ITGA9: variants seen among roughly 807,000 people sequenced by gnomAD.
ITGA9 encodes the protein integrin alpha-9.
A neutral mutation model predicts 127.8 loss-of-function variants in ITGA9; 56 were observed. That is an observed-to-expected ratio of 0.44 (90% CI 0.35 to 0.55). The LOEUF is 0.55. Ranked by LOEUF, ITGA9 falls within the 20% of genes least tolerant of loss-of-function variation. The pLI is 0.00. For missense variants in ITGA9, 1,196 were observed against 1,347.1 expected (o/e 0.89, Z 1.76); for synonymous variants, 508 against 514.5 (o/e 0.99, Z 0.17).
chr3:37,546,674 G>C (rs908814135), intron 15 of ITGA9, among the ~76,000 whole-genome samples: 29 of 152,348 alleles, frequency 1.9e-4, no homozygotes, highest in African/African-American at 7.0e-4. Context: ...GCAGAACCTT[G>C]TTGGAGTGAC....
In ITGA9 at chr3:37,512,061, TTTCTTTCTTTCTTTCC is replaced by T. The variant is rs1426137624; in HGVS notation, c.898-1698_898-1683del. On this transcript the variant is annotated intron_variant, in intron 8 of 27. Transcript: ENST00000264741. ...CTTTCTTTCTTTCTTTCTTTCTTTCTTTCTTTCTTTCTTTCCTTCCTTCCTTCCTTCCTTCCTTCCT... is the reference window on the plus strand; with the variant it reads ...CTTTCTTTCTTTCTTTCTTTCTTTCTTTCCTTCCTTCCTTCCTTCCTTCCT... Among the ~76,000 whole-genome samples the T allele has an allele frequency of 1.5e-3, 107 of 73,048 alleles. 6 individuals are homozygous for T. Among genetic ancestry groups the T allele is most frequent in the Admixed American group, 3.3e-3 (16 of 4,858 alleles). 47.9% of individuals were successfully genotyped at this position (73,048 alleles called of 152,430 possible).
intron 8 of ITGA9, among the ~76,000 whole-genome samples, chr3:37,511,745 A>G (rs937531125): frequency 3.3e-5 from 5 of 152,150 alleles, no homozygotes; most frequent in Non-Finnish European, 5.9e-5. Context: ...TGGCCTTGGC[A>G]TATCACTGGG....
At chr3:37,480,366 CT>C (rs1418452807) in intron 3 of ITGA9, among the ~76,000 whole-genome samples, 1 of 152,224 alleles carries the variant, frequency 6.6e-6, no homozygotes, top group Non-Finnish European at 1.5e-5. Context: ...CTCTGGAGAG[CT>C]GGCCAATGCA....
At chr3:37,683,817 A>G (rs753185354) in intron 17 of ITGA9, 48 bp from the exon 18 acceptor site, 16 of 1,596,370 alleles carry the variant, frequency 1.0e-5, no homozygotes, top group South Asian at 2.2e-5. Flanking sequence ...CTCATGTTAT[A>G]TTAGTGTAGG....
rs74477480 is a variant in ITGA9 at position 37,565,854 on chromosome 3, G to T, written c.1689+23269G>T. ...CCAGTGTGGAACCCTTGCTGACTGG[G>T]TTGGGAGTGACGTTGGGAACTGTTT... is the stretch of plus-strand genomic sequence containing the variant. On this transcript the variant is annotated intron_variant, in intron 15 of 27. Coordinates refer to ENST00000264741, the MANE Select transcript of ITGA9 (RefSeq NM_002207.3). 3.9e-3 allele frequency among the ~76,000 whole-genome samples: 595 copies of T among 152,340 alleles called. 3 individuals are homozygous for T. The highest frequency in any genetic ancestry group is 7.1e-3 in the Non-Finnish European group (486 of 68,028).
intron 1 of ITGA9, among the ~76,000 whole-genome samples, chr3:37,469,504 T>A (rs1489865937): frequency 1.3e-5 from 2 of 152,192 alleles, no homozygotes; most frequent in African/African-American, 4.8e-5. Flanking sequence ...TATACAGTTA[T>A]CACAAATTTG....
intron 15 of ITGA9, among the ~76,000 whole-genome samples, chr3:37,613,069 C>A (rs915136346): frequency 6.6e-6 from 1 of 151,700 alleles, no homozygotes; most frequent in Non-Finnish European, 1.5e-5. Context: ...CCCATTAACT[C>A]GTCATTTATC....
intron 1 of ITGA9, among the ~76,000 whole-genome samples, chr3:37,454,975 GCTGAA>G (rs1698240885): frequency 6.6e-6 from 1 of 152,180 alleles, no homozygotes; most frequent in Non-Finnish European, 1.5e-5. Flanking sequence ...GTGCAAGGCT[GCTGAA>G]ACTTAAGCCA....
intron 23 of ITGA9, among the ~76,000 whole-genome samples, chr3:37,758,329 CAAAAAAAA>C (rs57505967): frequency 3.0e-5 from 2 of 65,988 alleles, no homozygotes; most frequent in South Asian, 9.7e-4. Flanking sequence ...GACTCCGTCT[CAAAAAAAA>C]AAAAAAAAAA....
chr3:37,614,837 G>T (rs1700058553), intron 15 of ITGA9, among the ~76,000 whole-genome samples: 2 of 152,202 alleles, frequency 1.3e-5, no homozygotes, highest in African/African-American at 4.8e-5. Flanking sequence ...CTTTGCTGAA[G>T]TTGCTTATCA....
chr3:37,636,830 C>A (rs1281259290), intron 16 of ITGA9, among the ~76,000 whole-genome samples: 2 of 151,804 alleles, frequency 1.3e-5, no homozygotes, highest in Non-Finnish European at 2.9e-5. Context: ...GGAAGGGATC[C>A]AGTTTCAGCT....
chr3:37,800,093 C>T (rs1359812660), intron 26 of ITGA9, among the ~76,000 whole-genome samples: 1 of 152,200 alleles, frequency 6.6e-6, no homozygotes, highest in African/African-American at 2.4e-5. Flanking sequence ...ATGAAGCCCA[C>T]ATTCCGGGGA....
At chr3:37,744,162 G>A (rs1696472726) in intron 22 of ITGA9, 128 bp downstream of exon 22, 8 of 735,864 alleles carry the variant, frequency 1.1e-5, no homozygotes, top group South Asian at 1.0e-4. Flanking sequence ...TGGTGTGTGT[G>A]TGAGATCTGT....
intron 17 of ITGA9, among the ~76,000 whole-genome samples, chr3:37,660,571 C>G (rs1700524384): frequency 6.6e-6 from 1 of 152,204 alleles, no homozygotes; most frequent in South Asian, 2.1e-4. Flanking sequence ...CAAGTGTGGT[C>G]AGAGCTAGTT....
chr3:37,605,528 A>G (rs1699960036), intron 15 of ITGA9, among the ~76,000 whole-genome samples: 1 of 152,192 alleles, frequency 6.6e-6, no homozygotes, highest in Non-Finnish European at 1.5e-5. Flanking sequence ...TTCCTATGCA[A>G]CTTTGGGCAG....
chr3:37,476,211 G>A (rs186648884), intron 3 of ITGA9, among the ~76,000 whole-genome samples: 1 of 152,286 alleles, frequency 6.6e-6, no homozygotes, highest in Admixed American at 6.5e-5. Flanking sequence ...ACCCGGAAGT[G>A]GGATTACTGG....
In ITGA9 at chr3:37,562,840, A is replaced by G. The variant is rs188205742; in HGVS notation, c.1689+20255A>G. 1.5e-3 allele frequency among the ~76,000 whole-genome samples: 232 copies of G among 152,236 alleles called. 4 individuals carry two copies. The highest frequency in any genetic ancestry group is 5.4e-3 in the African/African-American group (225 of 41,554). Reference sequence around the variant, plus strand: ...TGGCAGATGTATCCTTGCTTGTTTAATTAATGAGCCAAACAGTCCAGAAAC... The same window carrying G: ...TGGCAGATGTATCCTTGCTTGTTTAGTTAATGAGCCAAACAGTCCAGAAAC... On this transcript the variant is annotated intron_variant, in intron 15 of 27. Transcript: ENST00000264741.
intron 17 of ITGA9, among the ~76,000 whole-genome samples, chr3:37,680,520 CAGA>C: frequency 6.6e-6 from 1 of 152,218 alleles, no homozygotes; most frequent in South Asian, 2.1e-4. Flanking sequence ...TGGGGATTGG[CAGA>C]AGTTTAGATG....
chr3:37,817,562 C>T (rs2125568936), intron 27 of ITGA9, among the ~76,000 whole-genome samples: 1 of 152,298 alleles, frequency 6.6e-6, no homozygotes, highest in East Asian at 1.9e-4. Context: ...GGTTATCCCA[C>T]CCAAGGAGAG....
Sources: gnomAD v4.1 joint callset for allele counts (sites outside exome capture counted in the v4.1 genomes callset) on GRCh38, gnomAD v4.1.1 for gene constraint, MANE v1.5 for transcripts, NCBI Gene and HGNC (gene_info 2026-07-23, HGNC 2026-07-21) for gene names.